SGCZ: variants seen among roughly 807,000 people sequenced by gnomAD.
The protein encoded by SGCZ is sarcoglycan zeta.
In SGCZ, 40 loss-of-function variants were observed where a neutral mutation model predicts 41.3. The observed-to-expected ratio is 0.97, with a 90% CI of 0.75 to 1.26. The LOEUF (loss-of-function observed/expected upper bound fraction) is 1.26. Ranked by LOEUF, SGCZ falls within the 50% of genes most tolerant of loss-of-function variation. The probability of loss-of-function intolerance (pLI) is 0.00; values close to 1 mark genes in which losing one functional copy is unlikely to be tolerated. For synonymous variants in SGCZ, 206 were observed against 137.5 expected, an observed-to-expected ratio of 1.50 and a Z score of -3.49; for missense variants, 552 against 369.8, an observed-to-expected ratio of 1.49 and a Z score of -4.04.
chr8:14,332,797 T>C (rs141251364), intron 2 of SGCZ: 3 of 151,370 alleles, frequency 2.0e-5, no homozygotes, highest in African/African-American at 7.3e-5. Context: ...CAATAGAGTA[T>C]AGAGTATGTA....
chr8:14,945,198 T>C (rs1034834717), intron 1 of SGCZ, among the ~76,000 whole-genome samples: 2 of 151,784 alleles, frequency 1.3e-5, no homozygotes, highest in South Asian at 2.1e-4. Flanking sequence ...GTAATCCTTA[T>C]GATACATTTA....
At chr8:14,550,291 AAT>A (rs1294480083) in intron 2 of SGCZ, among the ~76,000 whole-genome samples, 2 of 151,172 alleles carry the variant, frequency 1.3e-5, no homozygotes, top group Non-Finnish European at 2.9e-5. Flanking sequence ...ATTGTATACA[AAT>A]ATGCATATAC....
At chr8:15,095,575 C>A (rs921780303) in intron 1 of SGCZ, among the ~76,000 whole-genome samples, 1 of 152,080 alleles carries the variant, frequency 6.6e-6, no homozygotes, top group Non-Finnish European at 1.5e-5. Context: ...AGATTCCTCA[C>A]AAATATGAGG....
intron 4 of SGCZ, among the ~76,000 whole-genome samples, chr8:14,215,930 G>T (rs1300109188): frequency 6.6e-6 from 1 of 152,208 alleles, no homozygotes; most frequent in Admixed American, 6.5e-5. Flanking sequence ...TCAGACACAG[G>T]TACCCAGTGA....
intron 2 of SGCZ, among the ~76,000 whole-genome samples, chr8:14,446,169 C>A (rs117506596): frequency 6.6e-6 from 1 of 152,134 alleles, no homozygotes. Flanking sequence ...GCTCCAATAA[C>A]TGAATCTTCA....
chr8:15,044,245 C>T (rs1312519242), intron 1 of SGCZ, among the ~76,000 whole-genome samples: 1 of 152,124 alleles, frequency 6.6e-6, no homozygotes, highest in African/African-American at 2.4e-5. Flanking sequence ...TGCCACATGT[C>T]CATTTGACAA....
intron 7 of SGCZ, among the ~76,000 whole-genome samples, chr8:14,093,874 C>A (rs1477125236): frequency 1.3e-5 from 2 of 151,990 alleles, no homozygotes; most frequent in East Asian, 1.9e-4. Context: ...TAGTAAAAAT[C>A]CATTTGTAAT....
At chr8:15,011,502 A>G (rs193195975) in intron 1 of SGCZ, among the ~76,000 whole-genome samples, 9 of 152,352 alleles carry the variant, frequency 5.9e-5, no homozygotes, top group Admixed American at 3.3e-4. Context: ...ATCAAGAAAT[A>G]ATTTAAATCT....
At chr8:14,631,772 G>C (rs1343820649) in intron 1 of SGCZ, among the ~76,000 whole-genome samples, 1 of 152,050 alleles carries the variant, frequency 6.6e-6, no homozygotes, top group Non-Finnish European at 1.5e-5. Context: ...ATAGAACTGA[G>C]AGTTAGGAAA....
intron 2 of SGCZ, among the ~76,000 whole-genome samples, chr8:14,458,236 A>T (rs559327341): frequency 6.6e-6 from 1 of 152,334 alleles, no homozygotes; most frequent in Admixed American, 6.5e-5. Flanking sequence ...TAAAAAATGA[A>T]ACTAGCTATA....
intron 1 of SGCZ, among the ~76,000 whole-genome samples, chr8:15,049,862 C>G (rs1431214380): frequency 1.3e-5 from 2 of 152,138 alleles, no homozygotes; most frequent in Admixed American, 1.3e-4. Context: ...CCTGCACAAG[C>G]TGTCTTGCCT....
At chr8:14,271,587 TTA>T (rs1800060405) in intron 3 of SGCZ, among the ~76,000 whole-genome samples, 2 of 152,326 alleles carry the variant, frequency 1.3e-5, no homozygotes, top group African/African-American at 4.8e-5. Context: ...CCTGTTCCTT[TTA>T]CAAGACAGCT....
chr8:14,105,128 G>C (rs1802162918), intron 6 of SGCZ, among the ~76,000 whole-genome samples: 1 of 151,618 alleles, frequency 6.6e-6, no homozygotes, highest in Admixed American at 6.6e-5. Flanking sequence ...GTTTTTTTTA[G>C]CCTTTTAAAA....
chr8:14,659,699 G>T (rs1807687581), intron 1 of SGCZ, among the ~76,000 whole-genome samples: 1 of 152,122 alleles, frequency 6.6e-6, no homozygotes, highest in Admixed American at 6.6e-5. Context: ...CTCTGCTCCT[G>T]CTATAGGTCA....
intron 5 of SGCZ, among the ~76,000 whole-genome samples, chr8:14,126,032 G>T (rs146542747): frequency 6.6e-6 from 1 of 152,174 alleles, no homozygotes; most frequent in Non-Finnish European, 1.5e-5. Flanking sequence ...AACCCTAGAA[G>T]AAAGGCTAGG....
At chr8:14,962,581 A>C (rs1800998220) in intron 1 of SGCZ, among the ~76,000 whole-genome samples, 1 of 152,196 alleles carries the variant, frequency 6.6e-6, no homozygotes, top group Non-Finnish European at 1.5e-5. Context: ...AAATATAAAC[A>C]TATTTTCTGA....
intron 3 of SGCZ, among the ~76,000 whole-genome samples, chr8:14,303,602 G>A (rs938520170): frequency 1.3e-5 from 2 of 151,956 alleles, no homozygotes; most frequent in African/African-American, 2.4e-5. Context: ...TATTACAACC[G>A]AATGACTCTA....
At chr8:14,988,854 A>G (rs1801915416) in intron 1 of SGCZ, among the ~76,000 whole-genome samples, 1 of 152,190 alleles carries the variant, frequency 6.6e-6, no homozygotes, top group Non-Finnish European at 1.5e-5. Context: ...TTATTTCTGG[A>G]TATTTAAAGT....
chr8:14,506,481 C>G (rs1802308246), intron 2 of SGCZ, among the ~76,000 whole-genome samples: 1 of 147,150 alleles, frequency 6.8e-6, no homozygotes. Context: ...ACAAACAAAA[C>G]AAGTTATTAA....
Sources: allele counts gnomAD v4.1 joint callset (sites outside exome capture counted in the v4.1 genomes callset), GRCh38; gene constraint gnomAD v4.1.1; transcripts MANE v1.5; gene names NCBI Gene and HGNC (gene_info 2026-07-23, HGNC 2026-07-21).